The following RERE variants were observed in gnomAD, a reference collection of about 807,000 sequenced individuals.
RERE encodes arginine-glutamic acid dipeptide repeats.
In RERE, 40 loss-of-function variants were observed where a neutral mutation model predicts 146.1. The observed-to-expected ratio is 0.27, with a 90% confidence interval of 0.21 to 0.36. RERE has a LOEUF of 0.36. Among genes scored for constraint, RERE ranks in the 10% least tolerant of loss-of-function variants. The pLI is 1.00. For missense variants in RERE, 1,933 were observed against 2,138.7 expected (o/e 0.90, Z 1.90); for synonymous variants, 1,003 against 866.0 (o/e 1.16, Z -2.78).
chr1:8,556,456 G>C lies in RERE; in HGVS notation c.725+19C>G. 7.1e-7 allele frequency: 1 copy of C among 1,405,618 alleles called. No homozygotes were observed. The allele number at this position is 1,405,618 out of a possible 1,614,324, so 87.1% of individuals were successfully genotyped here. A position where few individuals can be genotyped will look rare whatever the true frequency, so the allele number is the denominator to read the frequency against. On this transcript the variant is annotated intron_variant, in intron 6 of 22. Coordinates refer to ENST00000400908, the MANE Select transcript of RERE (RefSeq NM_001042681.2). ...AGTGACTCCTCCTTCACATGGAAGA[G>C]CACGTCTCCAGTACTTACCTAAGGG...
intron 1 of RERE, among the ~76,000 whole-genome samples, chr1:8,727,996 T>A (rs1210226543): frequency 6.6e-6 from 1 of 152,264 alleles, no homozygotes; most frequent in Admixed American, 6.5e-5. Flanking sequence ...TTCACACATT[T>A]GACCACATGC....
chr1:8,360,011 G>C, intron 18 of RERE, 25 bp from the exon 19 acceptor site: 1 of 1,610,048 alleles, frequency 6.2e-7, no homozygotes, highest in Non-Finnish European at 8.5e-7. Flanking sequence ...AGATCTTGCT[G>C]GGAGCTCCTG....
intron 1 of RERE, among the ~76,000 whole-genome samples, chr1:8,721,378 C>A (rs751538255): frequency 1.3e-5 from 2 of 152,140 alleles, no homozygotes; most frequent in Non-Finnish European, 2.9e-5. Context: ...GTGGCCCAAC[C>A]TCGGCTCACT....
rs1043192731 is a variant in RERE, at chr1:8,795,928, G to A, written c.-145+21232C>T. On this transcript the variant is annotated intron_variant, in intron 1 of 22. Transcript: ENST00000400908. ...ACCTAGGAGACAGAGGTTGTGGTGA[G>A]CCGCGATTGCACCATTACACTCCAG... Among the ~76,000 whole-genome samples the A allele has an allele frequency of 1.6e-4, 23 of 143,286 alleles. 1 individual carries two copies. Among genetic ancestry groups the A allele is most frequent in the Non-Finnish European group, 1.5e-5 (1 of 67,032 alleles). The allele number at this position is 143,286 out of a possible 152,430, so 94.0% of individuals were successfully genotyped here. A position where few individuals can be genotyped will look rare whatever the true frequency, so the allele number is the denominator to read the frequency against.
intron 4 of RERE, among the ~76,000 whole-genome samples, chr1:8,569,088 G>A (rs1223556640): frequency 6.6e-6 from 1 of 152,022 alleles, no homozygotes; most frequent in Non-Finnish European, 1.5e-5. Context: ...CAGCAGCTCT[G>A]GTTTTATCAG....
intron 10 of RERE, among the ~76,000 whole-genome samples, chr1:8,473,641 C>T (rs1644718177): frequency 6.6e-6 from 1 of 152,130 alleles, no homozygotes; most frequent in Non-Finnish European, 1.5e-5. Context: ...TAGTCAATAC[C>T]TTCTGCAGCC....
At chr1:8,710,751 T>C (rs1639650089) in intron 1 of RERE, among the ~76,000 whole-genome samples, 1 of 152,078 alleles carries the variant, frequency 6.6e-6, no homozygotes, top group Non-Finnish European at 1.5e-5. Flanking sequence ...TCCTGACCTC[T>C]TGATCCGCCT....
At chr1:8,527,765 AAGAC>A (rs1332810026) in intron 7 of RERE, among the ~76,000 whole-genome samples, 5 of 152,026 alleles carry the variant, frequency 3.3e-5, no homozygotes, top group African/African-American at 1.2e-4. Flanking sequence ...CCATGCCACC[AAGAC>A]AGACAGCCCT....
At chr1:8,504,729 T>G (rs1279211702) in intron 8 of RERE, among the ~76,000 whole-genome samples, 1 of 152,038 alleles carries the variant, frequency 6.6e-6, no homozygotes, top group African/African-American at 2.4e-5. Context: ...GGCGGGCGCC[T>G]ATAATCCCAG....
intron 1 of RERE, among the ~76,000 whole-genome samples, chr1:8,689,043 CT>C (rs1015770988): frequency 7.3e-5 from 11 of 151,562 alleles, no homozygotes; most frequent in Non-Finnish European, 1.5e-4. Context: ...CTCAATAAAG[CT>C]TTTTTAAAAA....
chr1:8,674,075 T>C (rs1307980673), intron 1 of RERE, among the ~76,000 whole-genome samples: 3 of 152,162 alleles, frequency 2.0e-5, no homozygotes, highest in African/African-American at 4.8e-5. Flanking sequence ...ATTATTAAAA[T>C]TGTAATATTT....
At chr1:8,635,937 A>ATTTTATTTTATT (rs1199686063) in intron 2 of RERE, among the ~76,000 whole-genome samples, 1 of 147,346 alleles carries the variant, frequency 6.8e-6, no homozygotes, top group African/African-American at 2.6e-5. Flanking sequence ...GTCTTCAATT[A>ATTTTATTTTATT]TTATTTTATT....
chr1:8,358,951 G>A (rs773779772), intron 19 of RERE, 35 bp from the exon 20 acceptor site: 45 of 1,502,038 alleles, frequency 3.0e-5, no homozygotes, highest in East Asian at 2.1e-4. Context: ...GGGGTCCCCC[G>A]AGCGCCTGGG....
At chr1:8,624,111 T>A (rs1448954520) in intron 3 of RERE, among the ~76,000 whole-genome samples, 199 bp downstream of exon 3, 2 of 152,216 alleles carry the variant, frequency 1.3e-5, no homozygotes, top group South Asian at 2.1e-4. Context: ...AATATAAGCA[T>A]TATGAGAGTA....
intron 12 of RERE, among the ~76,000 whole-genome samples, chr1:8,368,834 G>C (rs760844483): frequency 6.6e-6 from 1 of 151,994 alleles, no homozygotes; most frequent in Non-Finnish European, 1.5e-5. Flanking sequence ...GCTGAGGCAG[G>C]AGGATCACTT....
At chr1:8,782,750 A>T (rs1480585572) in intron 1 of RERE, among the ~76,000 whole-genome samples, 1 of 152,024 alleles carries the variant, frequency 6.6e-6, no homozygotes, top group Non-Finnish European at 1.5e-5. Context: ...TACTAAAAAC[A>T]CAAAAATTAG....
intron 4 of RERE, among the ~76,000 whole-genome samples, chr1:8,571,572 T>A (rs913063408): frequency 3.3e-5 from 5 of 152,228 alleles, no homozygotes; most frequent in African/African-American, 1.2e-4. Context: ...ACTAAAAAAT[T>A]ATATTTTCCT....
chr1:8,678,840 T>G (rs1159101968), intron 1 of RERE, among the ~76,000 whole-genome samples: 1 of 152,180 alleles, frequency 6.6e-6, no homozygotes, highest in Non-Finnish European at 1.5e-5. Context: ...ACAAAATGTC[T>G]AGACATAAGA....
At chr1:8,468,464 C>T (rs1644633332) in intron 10 of RERE, among the ~76,000 whole-genome samples, 1 of 152,018 alleles carries the variant, frequency 6.6e-6, no homozygotes, top group African/African-American at 2.4e-5. Context: ...CTATTTAATG[C>T]AAAAAGCACA....
Sources: allele counts gnomAD v4.1 joint callset (sites outside exome capture counted in the v4.1 genomes callset), GRCh38; gene constraint gnomAD v4.1.1; transcripts MANE v1.5; gene names NCBI Gene and HGNC (gene_info 2026-07-23, HGNC 2026-07-21).